The following RALYL variants were observed in gnomAD, a reference collection of about 807,000 sequenced individuals.
The protein encoded by RALYL is RNA-binding Raly-like protein.
Under a neutral mutation model 35.1 loss-of-function variants are expected in RALYL, and 29 were observed. That is an observed-to-expected ratio of 0.83 (90% CI 0.61 to 1.13). The LOEUF (loss-of-function observed/expected upper bound fraction) is 1.13, where lower values mean the gene tolerates loss of function less well. RALYL is among the 50% of genes most tolerant of loss of function. The pLI, the probability that RALYL is intolerant of heterozygous loss-of-function variation, is 0.00. For missense variants in RALYL, 359 were observed against 360.4 expected, an observed-to-expected ratio of 1.00 and a Z score of 0.03; for synonymous variants, 120 against 127.6, an observed-to-expected ratio of 0.94 and a Z score of 0.40.
intron 4 of RALYL, among the ~76,000 whole-genome samples, chr8:84,844,135 A>T (rs1356672899): frequency 6.6e-6 from 1 of 152,186 alleles, no homozygotes; most frequent in African/African-American, 2.4e-5. Context: ...AATTAAACTA[A>T]AGAGCTTCTG....
At chr8:84,618,091 A>G (rs1196008123) in intron 2 of RALYL, among the ~76,000 whole-genome samples, 1 of 151,710 alleles carries the variant, frequency 6.6e-6, no homozygotes, top group Non-Finnish European at 1.5e-5. Context: ...TTGGTATCAG[A>G]GTGATGCTGG....
At chr8:84,392,477 TGATA>T (rs1380242657) in intron 1 of RALYL, among the ~76,000 whole-genome samples, 42 of 152,126 alleles carry the variant, frequency 2.8e-4, no homozygotes, top group African/African-American at 9.9e-4. Flanking sequence ...TTATGTGGAC[TGATA>T]GATACCTTAG....
intron 1 of RALYL, among the ~76,000 whole-genome samples, chr8:84,236,826 T>G (rs1826683479): frequency 6.6e-6 from 1 of 152,226 alleles, no homozygotes. Flanking sequence ...GGTTTCATGC[T>G]TCAAACACAG....
chr8:84,805,917 T>C (rs1415079490), intron 4 of RALYL, among the ~76,000 whole-genome samples: 1 of 152,136 alleles, frequency 6.6e-6, no homozygotes, highest in East Asian at 1.9e-4. Context: ...CCTAGAGAAA[T>C]CATGCTATAT....
chr8:84,891,585 C>T (rs571303992), intron 8 of RALYL, among the ~76,000 whole-genome samples: 5 of 152,240 alleles, frequency 3.3e-5, no homozygotes, highest in African/African-American at 1.2e-4. Flanking sequence ...CTCCCTCAAC[C>T]CTGGTATTAT....
intron 1 of RALYL, among the ~76,000 whole-genome samples, chr8:84,403,535 T>TTG (rs1478076753): frequency 7.5e-6 from 1 of 132,708 alleles, no homozygotes; most frequent in East Asian, 2.0e-4. Context: ...TTTTTTTTTT[T>TTG]TTTTTTTTTT....
intron 2 of RALYL, among the ~76,000 whole-genome samples, chr8:84,586,872 T>G (rs991361196): frequency 2.0e-5 from 3 of 152,192 alleles, no homozygotes; most frequent in Non-Finnish European, 4.4e-5. Context: ...ATATGATTTT[T>G]TGTGTGTGTG....
intron 2 of RALYL, among the ~76,000 whole-genome samples, chr8:84,656,753 A>G (rs1325965599): frequency 6.6e-6 from 1 of 152,162 alleles, no homozygotes; most frequent in Non-Finnish European, 1.5e-5. Context: ...TGAGATAAAT[A>G]TACTTGAAAT....
chr8:84,329,521 A>G (rs1322121787), intron 1 of RALYL, among the ~76,000 whole-genome samples: 4 of 152,020 alleles, frequency 2.6e-5, no homozygotes, highest in Non-Finnish European at 5.9e-5. Flanking sequence ...TTAGATGCAT[A>G]GTTTGCAAAT....
At chr8:84,838,312 G>T (rs930455135) in intron 4 of RALYL, among the ~76,000 whole-genome samples, 9 of 152,170 alleles carry the variant, frequency 5.9e-5, no homozygotes, top group African/African-American at 2.2e-4. Flanking sequence ...AGAGAGAAAA[G>T]GATCCCCTCC....
chr8:84,244,246 G>C (rs547988974), intron 1 of RALYL, among the ~76,000 whole-genome samples: 2 of 151,986 alleles, frequency 1.3e-5, no homozygotes, highest in East Asian at 3.9e-4. Context: ...TTACCAAACT[G>C]GGTTTGACTC....
intron 1 of RALYL, among the ~76,000 whole-genome samples, chr8:84,402,513 G>C (rs982412394): frequency 6.6e-6 from 1 of 152,032 alleles, no homozygotes; most frequent in African/African-American, 2.4e-5. Context: ...CTACCTACCA[G>C]TTAACTGAAA....
At chr8:84,373,654 T>C (rs1856374473) in intron 1 of RALYL, among the ~76,000 whole-genome samples, 1 of 152,078 alleles carries the variant, frequency 6.6e-6, no homozygotes, top group Non-Finnish European at 1.5e-5. Flanking sequence ...GGTAGCGTGA[T>C]GCCTCCGGGT....
At chr8:84,554,933 A>T (rs1365673066) in intron 2 of RALYL, among the ~76,000 whole-genome samples, 1 of 152,086 alleles carries the variant, frequency 6.6e-6, no homozygotes, top group Non-Finnish European at 1.5e-5. Context: ...TTCAAGGATA[A>T]TTTTGAGTCA....
At chr8:84,259,864 A>C (rs576234634) in intron 1 of RALYL, among the ~76,000 whole-genome samples, 1 of 152,296 alleles carries the variant, frequency 6.6e-6, no homozygotes, top group African/African-American at 2.4e-5. Context: ...TCATGAATAC[A>C]CACACTGCGT....
intron 1 of RALYL, among the ~76,000 whole-genome samples, chr8:84,380,593 G>GA (rs1857782420): frequency 6.6e-6 from 1 of 151,658 alleles, no homozygotes; most frequent in Admixed American, 6.6e-5. Flanking sequence ...TAGAATGTAG[G>GA]AAAAAAAGAA....
chr8:84,384,567 T>C (rs1858757101), intron 1 of RALYL, among the ~76,000 whole-genome samples: 1 of 151,822 alleles, frequency 6.6e-6, no homozygotes, highest in Non-Finnish European at 1.5e-5. Context: ...TTCCTATCTC[T>C]TTCATTTCAT....
intron 2 of RALYL, among the ~76,000 whole-genome samples, chr8:84,669,480 T>TCCCCC (rs1299255982): frequency 5.9e-4 from 5 of 8,524 alleles, no homozygotes; most frequent in Non-Finnish European, 4.7e-4. Flanking sequence ...ATCTTCTCCC[T>TCCCCC]CCCCCCTCCC....
At chr8:84,528,336 T>G (rs2059050028) in intron 1 of RALYL, among the ~76,000 whole-genome samples, 1 of 151,638 alleles carries the variant, frequency 6.6e-6, no homozygotes, top group Non-Finnish European at 1.5e-5. Flanking sequence ...GCAAATGTTG[T>G]GGAAGGAAGA....
Sources: gnomAD v4.1 joint callset for allele counts (sites outside exome capture counted in the v4.1 genomes callset) on GRCh38, gnomAD v4.1.1 for gene constraint, MANE v1.5 for transcripts, NCBI Gene and HGNC (gene_info 2026-07-23, HGNC 2026-07-21) for gene names.